FBXL13: variants seen among roughly 807,000 people sequenced by gnomAD.
FBXL13 encodes F-box and leucine-rich repeat protein 13.
FBXL13 carries 67 observed loss-of-function variants against 83.6 expected under a neutral mutation model. The observed-to-expected ratio is 0.80, with a 90% CI of 0.66 to 0.98. The LOEUF is 0.98. Ranked by LOEUF, FBXL13 falls within the 50% of genes least tolerant of loss-of-function variation. The probability of loss-of-function intolerance (pLI) is 0.00; values close to 1 mark genes in which losing one functional copy is unlikely to be tolerated. For missense variants in FBXL13, 822 were observed against 866.5 expected (o/e 0.95, Z 0.64); for synonymous variants, 272 against 299.5 (o/e 0.91, Z 0.95).
At chr7:103,059,840 A>C (rs535680503) in intron 1 of FBXL13, among the ~76,000 whole-genome samples, 2 of 151,936 alleles carry the variant, frequency 1.3e-5, no homozygotes, top group African/African-American at 4.8e-5. Context: ...ACTTGGTTTA[A>C]ATCTGGGATC....
intron 10 of FBXL13, among the ~76,000 whole-genome samples, chr7:102,922,481 T>A (rs1817242817): frequency 6.6e-6 from 1 of 152,194 alleles, no homozygotes; most frequent in Admixed American, 6.5e-5. Context: ...CATATAAATG[T>A]ATGTGCATTT....
chr7:102,845,844 C>A (rs950143413), intron 17 of FBXL13, among the ~76,000 whole-genome samples: 2 of 152,188 alleles, frequency 1.3e-5, no homozygotes, highest in African/African-American at 4.8e-5. Context: ...ACTTCCCTGG[C>A]ATTCCCATGC....
chr7:102,832,799 G>C (rs1424717905), intron 18 of FBXL13, 41 bp downstream of exon 19: 2 of 1,611,924 alleles, frequency 1.2e-6, no homozygotes, highest in Admixed American at 3.3e-5. Context: ...CCTTGGCAGT[G>C]CTTAAATTGG....
At chr7:103,000,535 T>C (rs973105203) in intron 6 of FBXL13, among the ~76,000 whole-genome samples, 5 of 152,234 alleles carry the variant, frequency 3.3e-5, no homozygotes, top group Non-Finnish European at 5.9e-5. Flanking sequence ...ATGCTTTACA[T>C]GCTAAAGAAA....
At position 102,931,913 on chromosome 7, in the gene FBXL13, CT is replaced by C. The variant is rs1231903493; in HGVS notation, c.744del (p.Glu249SerfsTer2). On this transcript the variant is annotated frameshift_variant, in exon 9 of 20. Transcript: ENST00000313221. LOFTEE classifies it high-confidence loss of function. ...GTTGGGCAGTCAGAGACATTCAACT[CT>C]TGCAAGTTCCTACAGTGGCCTAAAT... 5 of 1,613,498 alleles carry C rather than the reference CT, an allele frequency of 3.1e-6. No homozygotes were observed. The African/African-American group carries it at 6.7e-5, about 22-fold the overall frequency.
At position 102,853,999 on chromosome 7, in the gene FBXL13, G is replaced by C. The variant is rs550956329; in HGVS notation, c.1719+778C>G. On this transcript the variant is annotated intron_variant, in intron 17 of 19. Coordinates refer to ENST00000313221, the Ensembl canonical transcript of FBXL13. ...GGATCTAGAACTAGAAATACCATTT[G>C]ACCCAGCCATCCCATTACTGGGTAT... 1.6e-3 allele frequency among the ~76,000 whole-genome samples: 247 copies of C among 152,252 alleles called. 1 individual carries two copies. The highest frequency in any genetic ancestry group is 5.5e-3 in the African/African-American group (228 of 41,544).
At chr7:102,813,411 T>C (rs866698052) in exon 20 of FBXL13, 1 of 1,614,186 alleles carries the variant, frequency 6.2e-7, no homozygotes, top group Middle Eastern at 1.6e-4. Context: ...CTTTAGATGA[T>C]GTTATGTTGT....
intron 8 of FBXL13, chr7:102,942,354 A>G (rs779265394): frequency 6.4e-7 from 1 of 1,557,238 alleles, no homozygotes; most frequent in South Asian, 1.2e-5. Flanking sequence ...TAAGTATACA[A>G]ATGCAGTGGG....
At chr7:102,882,024 G>A (rs1003337056) in intron 14 of FBXL13, among the ~76,000 whole-genome samples, 1 of 152,204 alleles carries the variant, frequency 6.6e-6, no homozygotes, top group Non-Finnish European at 1.5e-5. Context: ...ATTTTGGGAG[G>A]CCAAGGTGGA....
Position 102,847,278 on chromosome 7 carries a change from G to A in FBXL13, c.1719+7499C>T, listed in dbSNP as rs552118611. Reference sequence around the variant, plus strand: ...TGCTTCACAATTGTAGTCACTGTAGGGGAATGAATTGTTGTGGGCCAAGTG... The same window carrying A: ...TGCTTCACAATTGTAGTCACTGTAGAGGAATGAATTGTTGTGGGCCAAGTG... On this transcript the variant is annotated intron_variant, in intron 17 of 19. Coordinates refer to ENST00000313221, the Ensembl canonical transcript of FBXL13. 3.3e-4 allele frequency among the ~76,000 whole-genome samples: 50 copies of A among 152,228 alleles called. 1 individual carries two copies. In the South Asian group the frequency reaches 4.4e-3, roughly 13 times the overall value.
intron 7 of FBXL13, among the ~76,000 whole-genome samples, chr7:102,964,224 T>C (rs1825713412): frequency 1.3e-5 from 2 of 151,436 alleles, no homozygotes; most frequent in Non-Finnish European, 2.9e-5. Flanking sequence ...GGCATGAGAA[T>C]TGCCTGAACC....
chr7:102,953,544 G>T (rs1440568583), intron 8 of FBXL13, among the ~76,000 whole-genome samples: 2 of 152,112 alleles, frequency 1.3e-5, no homozygotes, highest in Admixed American at 6.5e-5. Flanking sequence ...AGAAAAAAAA[G>T]GGAGAATGGG....
At chr7:103,067,643 C>T (rs1023280954) in intron 1 of FBXL13, among the ~76,000 whole-genome samples, 2 of 152,204 alleles carry the variant, frequency 1.3e-5, no homozygotes, top group Non-Finnish European at 2.9e-5. Flanking sequence ...GAGAGGTCCT[C>T]ATCGACAGCC....
At chr7:102,943,859 C>A (rs551370969) in intron 8 of FBXL13, among the ~76,000 whole-genome samples, 1 of 152,178 alleles carries the variant, frequency 6.6e-6, no homozygotes, top group African/African-American at 2.4e-5. Flanking sequence ...TTTCTGTCTT[C>A]ATGACAGGAG....
At chr7:103,064,121 C>G (rs1798171925) in intron 1 of FBXL13, among the ~76,000 whole-genome samples, 1 of 152,126 alleles carries the variant, frequency 6.6e-6, no homozygotes, top group South Asian at 2.1e-4. Flanking sequence ...GCCAATGTTC[C>G]CAGGACTAAG....
At chr7:102,847,075 G>A (rs1804120320) in intron 17 of FBXL13, among the ~76,000 whole-genome samples, 1 of 152,126 alleles carries the variant, frequency 6.6e-6, no homozygotes. Context: ...TTGGAATACA[G>A]CAACTCTCAT....
chr7:102,850,083 A>G (rs1804937529), intron 17 of FBXL13, among the ~76,000 whole-genome samples: 1 of 152,210 alleles, frequency 6.6e-6, no homozygotes, highest in Admixed American at 6.5e-5. Flanking sequence ...ACTGAAAATA[A>G]ATACATGTCA....
intron 6 of FBXL13, among the ~76,000 whole-genome samples, chr7:102,985,677 G>A (rs1471082083): frequency 6.6e-6 from 1 of 152,166 alleles, no homozygotes; most frequent in East Asian, 1.9e-4. Flanking sequence ...AACAGAAACT[G>A]TTATGCTAAG....
intron 19 of FBXL13, among the ~76,000 whole-genome samples, chr7:102,821,550 A>T (rs977995169): frequency 2.0e-5 from 3 of 152,148 alleles, no homozygotes; most frequent in Non-Finnish European, 2.9e-5. Flanking sequence ...CATAGTATTA[A>T]TTTTTCACAT....
Sources: gnomAD v4.1 joint callset for allele counts (sites outside exome capture counted in the v4.1 genomes callset) on GRCh38, gnomAD v4.1.1 for gene constraint, MANE v1.5 for transcripts, NCBI Gene and HGNC (gene_info 2026-07-23, HGNC 2026-07-21) for gene names.